SPIDR: variants seen among roughly 807,000 people sequenced by gnomAD.
The protein encoded by SPIDR is DNA repair-scaffolding protein.
SPIDR carries 93 observed loss-of-function variants against 104.6 expected under a neutral mutation model. The ratio of observed to expected loss-of-function variants is 0.89; its 90% CI spans 0.75 to 1.06. SPIDR has a LOEUF of 1.06. Among genes scored for constraint, SPIDR ranks in the 50% least tolerant of loss-of-function variants. SPIDR has a pLI of 0.00. For synonymous variants in SPIDR, 431 were observed against 416.9 expected, an observed-to-expected ratio of 1.03 and a Z score of -0.41; for missense variants, 1,154 against 1,111.2, an observed-to-expected ratio of 1.04 and a Z score of -0.55.
intron 8 of SPIDR, among the ~76,000 whole-genome samples, chr8:47,564,794 T>C (rs2154402880): frequency 6.6e-6 from 1 of 152,304 alleles, no homozygotes; most frequent in Non-Finnish European, 1.5e-5. Context: ...TAGTTTGATA[T>C]ATATAATACA....
At chr8:47,592,092 G>A in intron 8 of SPIDR, 1 of 1,259,958 alleles carries the variant, frequency 7.9e-7, no homozygotes, top group Non-Finnish European at 1.1e-6. Flanking sequence ...ACAAAAAGGA[G>A]GAAGTCTTGG....
chr8:47,395,070 T>C (rs782456360), intron 5 of SPIDR, among the ~76,000 whole-genome samples: 2 of 152,182 alleles, frequency 1.3e-5, no homozygotes, highest in Non-Finnish European at 2.9e-5. Context: ...AGAGTTTGGC[T>C]GGGGTTGGTG....
At chr8:47,456,347 A>T (rs1192424776) in intron 8 of SPIDR, among the ~76,000 whole-genome samples, 4 of 152,198 alleles carry the variant, frequency 2.6e-5, no homozygotes, top group Non-Finnish European at 5.9e-5. Context: ...GGCCTACTTA[A>T]CATCTTGATC....
chr8:47,552,709 T>C (rs2090728170), intron 8 of SPIDR, among the ~76,000 whole-genome samples: 4 of 152,222 alleles, frequency 2.6e-5, no homozygotes, highest in Non-Finnish European at 4.4e-5. Flanking sequence ...CTTGACTCTT[T>C]ATCCAATTTG....
intron 8 of SPIDR, among the ~76,000 whole-genome samples, chr8:47,494,328 T>G (rs1371106400): frequency 6.6e-6 from 1 of 151,874 alleles, no homozygotes. Flanking sequence ...CTCACTCTGT[T>G]GCCCAGGCTG....
intron 7 of SPIDR, among the ~76,000 whole-genome samples, chr8:47,422,172 G>C (rs1554681291): frequency 2.6e-5 from 4 of 152,178 alleles, no homozygotes; most frequent in African/African-American, 7.2e-5. Flanking sequence ...AGAGGTTTCT[G>C]CTGCCTTTTG....
chr8:47,571,437 AG>A (rs763149072), intron 8 of SPIDR, among the ~76,000 whole-genome samples: 2 of 152,174 alleles, frequency 1.3e-5, no homozygotes, highest in Non-Finnish European at 2.9e-5. Context: ...AATAAAGCTC[AG>A]GGGGAGGAGG....
chr8:47,327,321 C>A (rs1554600941), intron 5 of SPIDR, among the ~76,000 whole-genome samples: 1 of 149,986 alleles, frequency 6.7e-6, no homozygotes, highest in African/African-American at 2.4e-5. Flanking sequence ...TCTATATATT[C>A]TGGATACTAG....
chr8:47,484,603 G>C (rs1426418508), intron 8 of SPIDR, among the ~76,000 whole-genome samples: 1 of 152,172 alleles, frequency 6.6e-6, no homozygotes, highest in Non-Finnish European at 1.5e-5. Context: ...GGTGTATTTG[G>C]GGGAGATGGT....
intron 8 of SPIDR, chr8:47,547,810 C>T (rs1404242790): frequency 5.7e-6 from 1 of 174,756 alleles, no homozygotes; most frequent in Non-Finnish European, 1.4e-5. Context: ...GAGACACTCT[C>T]TCAACTTGTG....
Position 47,359,696 on chromosome 8 carries a change from T to G in SPIDR, c.526-36680T>G, listed in dbSNP as rs146216060. On this transcript the variant is annotated intron_variant, in intron 5 of 19. Coordinates refer to ENST00000297423, the MANE Select transcript of SPIDR (RefSeq NM_001080394.4). ...TCTATAGCGGGTAGAGAGCATCCTG[T>G]CTCTGAAGAAAGTATAGTCCTTGTT... is the stretch of plus-strand genomic sequence containing the variant. 7.3e-3 allele frequency among the ~76,000 whole-genome samples: 1,119 copies of G among 152,328 alleles called. 7 individuals carry two copies. The highest frequency in any genetic ancestry group is 0.011 in the Non-Finnish European group (756 of 68,030).
At chr8:47,704,405 A>C (rs2080774142) in intron 14 of SPIDR, among the ~76,000 whole-genome samples, 1 of 152,204 alleles carries the variant, frequency 6.6e-6, no homozygotes, top group South Asian at 2.1e-4. Context: ...TCTCTGATAC[A>C]CACAACCAAA....
chr8:47,486,143 T>C (rs568599300), intron 8 of SPIDR, among the ~76,000 whole-genome samples: 3 of 152,194 alleles, frequency 2.0e-5, no homozygotes, highest in South Asian at 4.1e-4. Context: ...ATAACCAGTG[T>C]AGAGAAGTCC....
At chr8:47,636,381 CAGTA>C (rs1232662078) in intron 10 of SPIDR, among the ~76,000 whole-genome samples, 1 of 152,154 alleles carries the variant, frequency 6.6e-6, no homozygotes, top group African/African-American at 2.4e-5. Context: ...TTAGAGAAGT[CAGTA>C]AGCCTCCAGT....
At chr8:47,722,081 A>G (rs964711580) in intron 16 of SPIDR, among the ~76,000 whole-genome samples, 8 of 152,304 alleles carry the variant, frequency 5.3e-5, no homozygotes, top group Admixed American at 2.6e-4. Flanking sequence ...AGTTTTCCTC[A>G]TACAGATCTT....
chr8:47,643,826 G>A (rs1430175065), intron 10 of SPIDR, among the ~76,000 whole-genome samples: 1 of 152,106 alleles, frequency 6.6e-6, no homozygotes, highest in East Asian at 1.9e-4. Context: ...TTTCATTCCT[G>A]CCCTCATGAA....
At chr8:47,624,794 A>C (rs1214409293) in intron 10 of SPIDR, among the ~76,000 whole-genome samples, 1 of 152,228 alleles carries the variant, frequency 6.6e-6, no homozygotes, top group African/African-American at 2.4e-5. Context: ...TCAAAGCCGA[A>C]TTCTACCAGA....
rs938245041 is a variant in SPIDR, at chr8:47,701,615, C to T, written c.1774-106C>T. ...TATAGCATTCCAGAGAGAGGATGCA[C>T]CTGTAAGCAAATATGTATATATTAA... On this transcript the variant is annotated intron_variant, in intron 12 of 19. Coordinates refer to ENST00000297423, the MANE Select transcript of SPIDR (RefSeq NM_001080394.4). 2.7e-6 allele frequency: 3 copies of T among 1,120,896 alleles called. No individual in the cohort carries two copies. The South Asian group carries it at 4.6e-5, about 17-fold the overall frequency. The allele number at this position is 1,120,896 out of a possible 1,614,324, so 69.4% of individuals were successfully genotyped here.
At chr8:47,456,237 T>C (rs1286651385) in intron 8 of SPIDR, among the ~76,000 whole-genome samples, 1 of 152,106 alleles carries the variant, frequency 6.6e-6, no homozygotes, top group Non-Finnish European at 1.5e-5. Context: ...TTAATATGAC[T>C]GGTGTGCTTA....
Sources: gnomAD v4.1 joint callset for allele counts (sites outside exome capture counted in the v4.1 genomes callset) on GRCh38, gnomAD v4.1.1 for gene constraint, MANE v1.5 for transcripts, NCBI Gene and HGNC (gene_info 2026-07-23, HGNC 2026-07-21) for gene names.